The following FAM135B variants were observed in gnomAD, a reference collection of about 807,000 sequenced individuals.
The protein encoded by FAM135B is protein FAM135B.
Under a neutral mutation model 127.7 loss-of-function variants are expected in FAM135B, and 43 were observed. The ratio of observed to expected loss-of-function variants is 0.34; its 90% CI spans 0.26 to 0.43. The LOEUF is 0.43. FAM135B is among the 20% of genes least tolerant of loss of function. The pLI, the probability that FAM135B is intolerant of heterozygous loss-of-function variation, is 1.00. For missense variants in FAM135B, 1,558 were observed against 1,725.6 expected, an observed-to-expected ratio of 0.90 and a Z score of 1.72; for synonymous variants, 670 against 665.1, an observed-to-expected ratio of 1.01 and a Z score of -0.11.
intron 2 of FAM135B, among the ~76,000 whole-genome samples, chr8:138,339,585 G>A (rs888150856): frequency 1.3e-5 from 2 of 152,048 alleles, no homozygotes; most frequent in African/African-American, 4.8e-5. Flanking sequence ...CTAGAAAACT[G>A]CACTGGCCTT....
At chr8:138,280,704 T>C (rs759678095) in intron 3 of FAM135B, among the ~76,000 whole-genome samples, 1 of 152,182 alleles carries the variant, frequency 6.6e-6, no homozygotes, top group East Asian at 1.9e-4. Flanking sequence ...TTCATTTGCC[T>C]GGCAAGTAAC....
chr8:138,199,585 C>T (rs574913732), intron 7 of FAM135B, among the ~76,000 whole-genome samples: 42 of 152,198 alleles, frequency 2.8e-4, no homozygotes, highest in Admixed American at 2.0e-3. Context: ...TGTATTAGTT[C>T]GTTTTCACAG....
chr8:138,135,935 A>G (rs917973097), intron 19 of FAM135B, among the ~76,000 whole-genome samples: 1 of 152,184 alleles, frequency 6.6e-6, no homozygotes, highest in Admixed American at 6.5e-5. Context: ...TCATGAACAC[A>G]CATGAAGAGA....
intron 1 of FAM135B, among the ~76,000 whole-genome samples, chr8:138,416,262 G>C (rs1456885284): frequency 6.6e-6 from 1 of 152,134 alleles, no homozygotes; most frequent in African/African-American, 2.4e-5. Context: ...AAACAGACCA[G>C]CCACTTACTA....
At chr8:138,140,861 C>T (rs922795115) in intron 17 of FAM135B, among the ~76,000 whole-genome samples, 3 of 152,302 alleles carry the variant, frequency 2.0e-5, no homozygotes, top group Non-Finnish European at 2.9e-5. Context: ...CAGGACTTAA[C>T]CACAGGTTTG....
At chr8:138,270,763 C>T (rs1352020895) in intron 3 of FAM135B, among the ~76,000 whole-genome samples, 1 of 152,250 alleles carries the variant, frequency 6.6e-6, no homozygotes, top group Non-Finnish European at 1.5e-5. Flanking sequence ...GGCCCAAACA[C>T]CTCTTACAGT....
chr8:138,218,361 G>A (rs1397463959), intron 7 of FAM135B, among the ~76,000 whole-genome samples: 3 of 152,102 alleles, frequency 2.0e-5, no homozygotes, highest in East Asian at 1.9e-4. Context: ...TCATGAGAAC[G>A]ACCATAGAAG....
chr8:138,178,275 T>G (rs562411092), intron 10 of FAM135B, among the ~76,000 whole-genome samples: 3 of 151,874 alleles, frequency 2.0e-5, no homozygotes, highest in Non-Finnish European at 4.4e-5. Context: ...AGAAAAGCAC[T>G]TTTTCCAAAA....
intron 6 of FAM135B, among the ~76,000 whole-genome samples, chr8:138,244,069 A>G (rs1290840597): frequency 6.6e-6 from 1 of 152,160 alleles, no homozygotes; most frequent in Non-Finnish European, 1.5e-5. Flanking sequence ...TAAAATATTG[A>G]CAGGAAAATA....
chr8:138,480,048 T>A (rs1266982129), intron 1 of FAM135B, among the ~76,000 whole-genome samples: 3 of 152,174 alleles, frequency 2.0e-5, no homozygotes, highest in African/African-American at 4.8e-5. Context: ...TGGTGCCAAC[T>A]GTGCTGGCAG....
intron 7 of FAM135B, among the ~76,000 whole-genome samples, chr8:138,223,307 T>C (rs1819173762): frequency 6.6e-6 from 1 of 152,234 alleles, no homozygotes; most frequent in Admixed American, 6.5e-5. Flanking sequence ...CCAACACTTG[T>C]AGTCCAGGAG....
chr8:138,208,551 T>C (rs1029375438), intron 7 of FAM135B, among the ~76,000 whole-genome samples: 1 of 152,220 alleles, frequency 6.6e-6, no homozygotes, highest in African/African-American at 2.4e-5. Flanking sequence ...TTTTTAAAAA[T>C]ATATTTTGTG....
intron 1 of FAM135B, among the ~76,000 whole-genome samples, chr8:138,409,219 G>A (rs1376723331): frequency 6.6e-6 from 1 of 152,054 alleles, no homozygotes; most frequent in Non-Finnish European, 1.5e-5. Context: ...TTTCAGTATT[G>A]TTGTGTCTCC....
intron 7 of FAM135B, among the ~76,000 whole-genome samples, chr8:138,217,434 T>TTTTTC (rs1818636366): frequency 6.9e-6 from 1 of 145,484 alleles, no homozygotes; most frequent in Non-Finnish European, 1.5e-5. Flanking sequence ...ATATATTTCT[T>TTTTTC]TTTTTTTTTT....
chr8:138,189,979 C>G (rs1239106412), intron 9 of FAM135B, among the ~76,000 whole-genome samples: 2 of 152,180 alleles, frequency 1.3e-5, no homozygotes, highest in Non-Finnish European at 2.9e-5. Flanking sequence ...CCCAGCAGCA[C>G]AACCTTATCT....
In FAM135B at chr8:138,268,966, G is replaced by A. The variant is rs546865087; in HGVS notation, c.158-3124C>T. ...GGAAAAAAGAGATGAAAAGAAAATG[G>A]GTGGAAGAAGGAAAGGGAATGTGAA... On this transcript the variant is annotated intron_variant, in intron 3 of 19. Coordinates refer to ENST00000395297, the MANE Select transcript of FAM135B (RefSeq NM_015912.4). Among the ~76,000 whole-genome samples the A allele has an allele frequency of 7.2e-5, 11 of 152,186 alleles. No homozygotes were observed. In the South Asian group the frequency reaches 2.3e-3, roughly 32 times the overall value.
At chr8:138,300,229 C>A (rs1171393923) in intron 3 of FAM135B, among the ~76,000 whole-genome samples, 1 of 151,228 alleles carries the variant, frequency 6.6e-6, no homozygotes, top group Admixed American at 6.6e-5. Flanking sequence ...GGTCCTTATA[C>A]CCGTGTCCCT....
chr8:138,348,434 CT>C, intron 2 of FAM135B, among the ~76,000 whole-genome samples: 1 of 152,110 alleles, frequency 6.6e-6, no homozygotes, highest in South Asian at 2.1e-4. Context: ...CGCACCTGGC[CT>C]TTTTTCCTCT....
At chr8:138,430,145 C>T (rs1274179984) in intron 1 of FAM135B, among the ~76,000 whole-genome samples, 1 of 152,156 alleles carries the variant, frequency 6.6e-6, no homozygotes, top group Non-Finnish European at 1.5e-5. Flanking sequence ...GTTCTGTCTT[C>T]TCCTGATCCT....
Sources: gnomAD v4.1 joint callset for allele counts (sites outside exome capture counted in the v4.1 genomes callset) on GRCh38, gnomAD v4.1.1 for gene constraint, MANE v1.5 for transcripts, NCBI Gene and HGNC (gene_info 2026-07-23, HGNC 2026-07-21) for gene names.